Variants in RPS24 observed in about 807,000 individuals in gnomAD.
The protein encoded by RPS24 is small ribosomal subunit protein eS24.
For synonymous variants in RPS24, 72 were observed against 55.6 expected, an observed-to-expected ratio of 1.30 and a Z score of -1.31; for missense variants, 100 against 162.5, an observed-to-expected ratio of 0.62 and a Z score of 2.09.
chr10:78,043,002 C>T (rs1426738133), downstream of RPS24, among the ~76,000 whole-genome samples: 1 of 106,576 alleles, frequency 9.4e-6, no homozygotes. Flanking sequence ...CGCGCGCACA[C>T]ACATACACAC....
intron 3 of RPS24, among the ~76,000 whole-genome samples, chr10:78,036,724 C>T (rs1165459064): frequency 6.6e-6 from 1 of 152,132 alleles, no homozygotes; most frequent in East Asian, 1.9e-4. Context: ...CAGAAACAGT[C>T]TTGTAGGCCC....
intron 4 of RPS24, among the ~76,000 whole-genome samples, chr10:78,045,957 A>T (rs1171972919): frequency 6.6e-6 from 1 of 151,994 alleles, no homozygotes; most frequent in Non-Finnish European, 1.5e-5. Flanking sequence ...AGCCGAGACC[A>T]TGCCACTGCA....
chr10:78,050,962 G>C (rs1848093297), intron 4 of RPS24, among the ~76,000 whole-genome samples: 1 of 152,056 alleles, frequency 6.6e-6, no homozygotes, highest in Non-Finnish European at 1.5e-5. Context: ...AGGCTGAGGC[G>C]AGCAGATCAC....
chr10:78,037,501 G>GC, intron 4 of RPS24, 197 bp downstream of exon 4: 1 of 833,660 alleles, frequency 1.2e-6, no homozygotes, highest in Non-Finnish European at 1.8e-6. Context: ...AAGTAGCTTG[G>GC]CCCACCCCTT....
chr10:78,047,529 A>G (rs1202155910), intron 4 of RPS24, among the ~76,000 whole-genome samples: 1 of 152,180 alleles, frequency 6.6e-6, no homozygotes, highest in Non-Finnish European at 1.5e-5. Flanking sequence ...ACCCTTGTGG[A>G]AGCATGAAAA....
intron 4 of RPS24, among the ~76,000 whole-genome samples, chr10:78,046,976 G>T (rs1476441298): frequency 6.6e-6 from 1 of 151,664 alleles, no homozygotes; most frequent in Non-Finnish European, 1.5e-5. Context: ...GTGGGGCCAG[G>T]TAACCTGTTT....
At chr10:78,047,114 C>A (rs1282933339) in intron 4 of RPS24, among the ~76,000 whole-genome samples, 1 of 151,514 alleles carries the variant, frequency 6.6e-6, no homozygotes, top group Non-Finnish European at 1.5e-5. Flanking sequence ...TGCCACCACG[C>A]CTGGCTAATT....
At chr10:78,049,846 A>ACAGT (rs1848081986) in intron 4 of RPS24, among the ~76,000 whole-genome samples, 1 of 152,206 alleles carries the variant, frequency 6.6e-6, no homozygotes, top group African/African-American at 2.4e-5. Flanking sequence ...GTCTCCTGCA[A>ACAGT]CACCTAATAA....
At chr10:78,037,976 C>T (rs1177461840) in intron 4 of RPS24, 7 of 1,250,272 alleles carry the variant, frequency 5.6e-6, no homozygotes, top group Non-Finnish European at 6.2e-6. Context: ...AATGAAGTGT[C>T]TAGCAGGTAC....
chr10:78,055,063 CCTT>C (rs1848137598), exon 5 of RPS24: 4 of 1,454,248 alleles, frequency 2.8e-6, no homozygotes, highest in Non-Finnish European at 2.7e-6. Flanking sequence ...CATCTCTCCA[CCTT>C]CTTCTCCACT....
chr10:78,034,901 T>TC (rs1318236969), intron 1 of RPS24, among the ~76,000 whole-genome samples: 2 of 152,238 alleles, frequency 1.3e-5, no homozygotes, highest in Admixed American at 6.5e-5. Context: ...GAGTGATTTT[T>TC]CTCCTAAGGG....
At chr10:78,034,458 C>T (rs1338175183) in intron 1 of RPS24, 5 of 157,244 alleles carry the variant, frequency 3.2e-5, no homozygotes, top group African/African-American at 1.2e-4. Flanking sequence ...TTAGCTCCTC[C>T]AGCATCCGTT....
At chr10:78,036,631 C>G (rs985269425) in intron 3 of RPS24, 1 of 155,166 alleles carries the variant, frequency 6.4e-6, no homozygotes, top group Non-Finnish European at 1.4e-5. Context: ...AACTGACGTT[C>G]GGTCATGTTA....
At chr10:78,039,059 C>G (rs570826228) in intron 4 of RPS24, 16 of 152,254 alleles carry the variant, frequency 1.1e-4, no homozygotes, top group Non-Finnish European at 1.8e-4. Flanking sequence ...TTGTGGCATC[C>G]TTTTGCAGTG....
At position 78,034,903 on chromosome 10, in the gene RPS24, TC is replaced by T. The variant is rs1847828575; in HGVS notation, c.4-447del. Among the ~76,000 whole-genome samples the T allele has an allele frequency of 1.3e-5, 2 of 152,212 alleles. 1 individual carries two copies. Among genetic ancestry groups the T allele is most frequent in the South Asian group, 4.1e-4 (2 of 4,836 alleles). Reference sequence around the variant, plus strand: ...GATTCTCAACCCGGAGTGATTTTTCTCCTAAGGGAACAGTTGGCTAAGTCTG... The same window carrying T: ...GATTCTCAACCCGGAGTGATTTTTCTCTAAGGGAACAGTTGGCTAAGTCTG... On this transcript the variant is annotated intron_variant, in intron 1 of 5. Transcript: ENST00000372360.
At chr10:78,054,490 G>A (rs1848130777) in intron 4 of RPS24, 3 of 1,494,934 alleles carry the variant, frequency 2.0e-6, no homozygotes, top group Non-Finnish European at 2.7e-6. Flanking sequence ...AAGGCACCTG[G>A]ACAATCCTCT....
intron 4 of RPS24, chr10:78,038,054 T>TCGTCCAAAGGCCAACA: frequency 1.0e-6 from 1 of 986,326 alleles, no homozygotes; most frequent in Non-Finnish European, 1.4e-6. Context: ...GCTTTGCATG[T>TCGTCCAAAGGCCAACA]TGGCCTTTGG....
At chr10:78,041,676 A>G (rs922424413), downstream of RPS24, among the ~76,000 whole-genome samples, 1 of 152,118 alleles carries the variant, frequency 6.6e-6, no homozygotes, top group African/African-American at 2.4e-5. Flanking sequence ...GCACCCTGTG[A>G]GCAGCTTGCA....
chr10:78,036,992 G>A (rs1847883128), intron 3 of RPS24, among the ~76,000 whole-genome samples: 1 of 152,206 alleles, frequency 6.6e-6, no homozygotes, highest in Non-Finnish European at 1.5e-5. Flanking sequence ...TGGACCATTT[G>A]TTTCCTGTGA....
Sources: gnomAD v4.1 joint callset for allele counts (sites outside exome capture counted in the v4.1 genomes callset) on GRCh38, gnomAD v4.1.1 for gene constraint, MANE v1.5 for transcripts, NCBI Gene and HGNC (gene_info 2026-07-23, HGNC 2026-07-21) for gene names.